The following ERICH1 variants were observed in gnomAD, a reference collection of about 807,000 sequenced individuals.
ERICH1 encodes the protein glutamate rich 1.
A neutral mutation model predicts 39.6 loss-of-function variants in ERICH1; 56 were observed. That is an observed-to-expected ratio of 1.41 (90% CI 1.14 to 1.77). The LOEUF (loss-of-function observed/expected upper bound fraction) is 1.77, where lower values mean the gene tolerates loss of function less well. Ranked by LOEUF, ERICH1 falls within the 40% of genes most tolerant of loss-of-function variation. ERICH1 has a pLI of 0.00. For missense variants in ERICH1, 826 were observed against 575.4 expected (o/e 1.44, Z -4.45); for synonymous variants, 313 against 223.6 (o/e 1.40, Z -3.57).
intron 3 of ERICH1, among the ~76,000 whole-genome samples, chr8:653,213 G>C (rs1046215604): frequency 3.9e-5 from 6 of 152,230 alleles, no homozygotes; most frequent in Non-Finnish European, 5.9e-5. Flanking sequence ...TCCATCTACA[G>C]ATCAATGGAC....
chr8:724,346 G>A (rs1160387141), intron 1 of ERICH1, among the ~76,000 whole-genome samples: 1 of 152,176 alleles, frequency 6.6e-6, no homozygotes, highest in Non-Finnish European at 1.5e-5. Flanking sequence ...AATATTCCAC[G>A]CAAACTTTGC....
chr8:659,834 C>T (rs1801147477), downstream of ERICH1, among the ~76,000 whole-genome samples: 1 of 111,506 alleles, frequency 9.0e-6, no homozygotes, highest in African/African-American at 3.7e-5. Flanking sequence ...GTGCACTGAC[C>T]ATCCTGGGGA....
intron 1 of ERICH1, among the ~76,000 whole-genome samples, chr8:726,254 C>A (rs1818617691): frequency 6.6e-6 from 1 of 152,198 alleles, no homozygotes; most frequent in African/African-American, 2.4e-5. Flanking sequence ...CAGGGTACAG[C>A]TGGGAGATGC....
At chr8:682,205 A>G (rs1348531510) in intron 3 of ERICH1, among the ~76,000 whole-genome samples, 2 of 152,122 alleles carry the variant, frequency 1.3e-5, no homozygotes, top group Admixed American at 1.3e-4. Context: ...CCACCGTAAC[A>G]CAATTATAGT....
chr8:677,392 G>C (rs1056413018), intron 3 of ERICH1, among the ~76,000 whole-genome samples: 1 of 152,198 alleles, frequency 6.6e-6, no homozygotes, highest in African/African-American at 2.4e-5. Flanking sequence ...GTTCTGCACA[G>C]CCTCCACCAC....
chr8:666,146 C>T (rs1802199627), intron 5 of ERICH1: 1 of 152,158 alleles, frequency 6.6e-6, no homozygotes, highest in African/African-American at 2.4e-5. Context: ...TGTCTGTGTA[C>T]ACAAAACCTG....
intron 3 of ERICH1, among the ~76,000 whole-genome samples, chr8:687,869 G>T (rs953296246): frequency 6.6e-6 from 1 of 152,136 alleles, no homozygotes; most frequent in Non-Finnish European, 1.5e-5. Context: ...AGAACGGAGC[G>T]CGCGGAACCG....
In ERICH1 at chr8:620,947, AC is replaced by A. The variant is rs1797244155; in HGVS notation, c.977-5664del. ...TTAACCAGCATCTACAGAACACTTC[AC>A]CAAAAACAGCAGAATACATATTCTC... On this transcript the variant is annotated intron_variant, in intron 3 of 3. Transcript: ENST00000522706. Among the ~76,000 whole-genome samples, 6 of 152,234 alleles carry A rather than the reference AC, an allele frequency of 3.9e-5. No individual in the cohort carries two copies. In the South Asian group the frequency reaches 1.2e-3, roughly 31 times the overall value.
At chr8:680,396 C>T (rs1232332833) in intron 3 of ERICH1, among the ~76,000 whole-genome samples, 1 of 151,730 alleles carries the variant, frequency 6.6e-6, no homozygotes, top group Non-Finnish European at 1.5e-5. Context: ...CCTGAAAACA[C>T]AGAAAGTCCA....
chr8:679,458 G>C (rs1805625661), intron 3 of ERICH1, among the ~76,000 whole-genome samples: 1 of 131,766 alleles, frequency 7.6e-6, no homozygotes, highest in African/African-American at 2.8e-5. Context: ...ACCCCTCACA[G>C]CACCCACCCC....
At chr8:718,003 C>T (rs537189254) in intron 1 of ERICH1, among the ~76,000 whole-genome samples, 1 of 152,364 alleles carries the variant, frequency 6.6e-6, no homozygotes, top group Admixed American at 6.5e-5. Context: ...AATGGCAGAA[C>T]ACGCCAGGGT....
chr8:623,856 G>A (rs1407320876), intron 3 of ERICH1, among the ~76,000 whole-genome samples: 2 of 152,174 alleles, frequency 1.3e-5, no homozygotes, highest in African/African-American at 2.4e-5. Flanking sequence ...TGGTCTCTTA[G>A]ATATGAACCA....
At chr8:707,974 G>C (rs1476357232) in intron 2 of ERICH1, among the ~76,000 whole-genome samples, 1 of 152,070 alleles carries the variant, frequency 6.6e-6, no homozygotes, top group Admixed American at 6.5e-5. Context: ...ATTAAAACTG[G>C]GCAAAGGACG....
intron 1 of ERICH1, among the ~76,000 whole-genome samples, chr8:718,832 G>A (rs1054635411): frequency 6.6e-5 from 10 of 152,346 alleles, no homozygotes; most frequent in East Asian, 3.9e-4. Flanking sequence ...CTGCACGCCT[G>A]CTCAGGTGCC....
intron 3 of ERICH1, among the ~76,000 whole-genome samples, chr8:687,716 T>G (rs1430632984): frequency 6.6e-6 from 1 of 151,982 alleles, no homozygotes; most frequent in Non-Finnish European, 1.5e-5. Context: ...TCGGCAGAAC[T>G]GCGGCCAGTG....
chr8:615,369 G>C (rs914674631), intron 3 of ERICH1: 1 of 574,630 alleles, frequency 1.7e-6, no homozygotes. Context: ...CCGATTGCTG[G>C]GATAAAGAGA....
At chr8:699,013 G>A (rs949164852) in intron 2 of ERICH1, among the ~76,000 whole-genome samples, 3 of 151,884 alleles carry the variant, frequency 2.0e-5, no homozygotes, top group African/African-American at 7.3e-5. Context: ...AGCTGTGGCG[G>A]GAGGCTCAGT....
intron 3 of ERICH1, among the ~76,000 whole-genome samples, chr8:618,466 C>CT (rs972602638): frequency 3.3e-5 from 5 of 152,176 alleles, no homozygotes; most frequent in Non-Finnish European, 7.3e-5. Flanking sequence ...CCTGTAAGTG[C>CT]TTGGTGCTTG....
rs1819925982 is a variant in ERICH1, at chr8:731,185, G to A, written c.-24C>T. ...ATGCGGGACCCTGCCGCGGACCTCA[G>A]ACCACGGCGCGCGGTCCTGAGCTGA... On this transcript the variant is annotated 5_prime_UTR_variant, in exon 1 of 6. Coordinates refer to ENST00000262109, the MANE Select transcript of ERICH1 (RefSeq NM_207332.3). 1 of 1,497,462 alleles carries A rather than the reference G, an allele frequency of 6.7e-7. No homozygotes were observed. Among genetic ancestry groups the A allele is most frequent in the African/African-American group, 1.4e-5 (1 of 69,870 alleles). 92.8% of individuals were successfully genotyped at this position (1,497,462 alleles called of 1,614,324 possible).
Sources: allele counts gnomAD v4.1 joint callset (sites outside exome capture counted in the v4.1 genomes callset), GRCh38; gene constraint gnomAD v4.1.1; transcripts MANE v1.5; gene names NCBI Gene and HGNC (gene_info 2026-07-23, HGNC 2026-07-21).